The following ANTXRL variants were observed in gnomAD, a reference collection of about 807,000 sequenced individuals.
ANTXRL encodes anthrax toxin receptor-like.
A neutral mutation model predicts 75.4 loss-of-function variants in ANTXRL; 63 were observed. That is an observed-to-expected ratio of 0.84 (90% CI 0.68 to 1.03). The LOEUF (loss-of-function observed/expected upper bound fraction) is 1.03. Among genes scored for constraint, ANTXRL ranks in the 50% least tolerant of loss-of-function variants. ANTXRL has a pLI of 0.00. For missense variants in ANTXRL, 797 were observed against 789.4 expected, an observed-to-expected ratio of 1.01 and a Z score of -0.12; for synonymous variants, 335 against 291.3, an observed-to-expected ratio of 1.15 and a Z score of -1.53.
chr10:46,303,104 C>T (rs1453331914), intron 10 of ANTXRL, among the ~76,000 whole-genome samples: 1 of 152,210 alleles, frequency 6.6e-6, no homozygotes, highest in African/African-American at 2.4e-5. Context: ...ATCACAGCTG[C>T]ATCTGCCCAC....
chr10:46,323,131 C>T (rs1275069700), intron 16 of ANTXRL, among the ~76,000 whole-genome samples: 1 of 152,124 alleles, frequency 6.6e-6, no homozygotes, highest in Non-Finnish European at 1.5e-5. Flanking sequence ...ACTGACTTGT[C>T]CTTAGCTATA....
chr10:46,287,843 T>C (rs77520609), intron 1 of ANTXRL, among the ~76,000 whole-genome samples: 4,439 of 152,266 alleles, frequency 0.029, 156 homozygotes, highest in East Asian at 0.13. Context: ...AGTTCTCAGA[T>C]GCTCACTGCG....
chr10:46,288,645 C>T (rs4076897), intron 1 of ANTXRL, among the ~76,000 whole-genome samples: 4,445 of 152,214 alleles, frequency 0.029, 156 homozygotes, highest in East Asian at 0.13. Context: ...GCCTTCGTGT[C>T]CCCCATCTGT....
chr10:46,328,808 G>T (rs1247552748), intron 16 of ANTXRL, among the ~76,000 whole-genome samples: 1 of 152,028 alleles, frequency 6.6e-6, no homozygotes, highest in Non-Finnish European at 1.5e-5. Flanking sequence ...GTATTGCTGG[G>T]CCCATTTAAG....
At chr10:46,290,144 C>T (rs1436260428) in intron 1 of ANTXRL, among the ~76,000 whole-genome samples, 5 of 146,036 alleles carry the variant, frequency 3.4e-5, no homozygotes, top group African/African-American at 1.0e-4. Flanking sequence ...CAGTTTCAAG[C>T]GATTCTCCCT....
chr10:46,302,182 G>T (rs1250633250), intron 9 of ANTXRL, among the ~76,000 whole-genome samples: 1 of 152,148 alleles, frequency 6.6e-6, no homozygotes, highest in African/African-American at 2.4e-5. Flanking sequence ...CTGAGTCCTG[G>T]CCCTGATGCT....
At chr10:46,329,206 C>T (rs1839369632) in intron 16 of ANTXRL, among the ~76,000 whole-genome samples, 1 of 152,176 alleles carries the variant, frequency 6.6e-6, no homozygotes, top group Non-Finnish European at 1.5e-5. Flanking sequence ...CCAAGGGTCC[C>T]TGGAGCCAGC....
chr10:46,308,765 C>T (rs1838252868), intron 12 of ANTXRL: 6 of 368,760 alleles, frequency 1.6e-5, no homozygotes, highest in South Asian at 1.2e-4. Flanking sequence ...GGGTCTCCTG[C>T]CCCTGCTCCT....
chr10:46,329,773 A>G lies in ANTXRL; in HGVS notation c.1585A>G (p.Ser529Gly). ...ECLALKQARC[S>G]PNICLRHSQH... ...CCTCGCCCTCAAACAGGCTCGCTGC[A>G]GCCCAAACATCTGCCTGAGACACAG... is the stretch of plus-strand genomic sequence containing the variant. The change falls in exon 17 of 17, where the codon AGC becomes GGC. Residue 529 changes from serine to glycine, a missense_variant. Coordinates refer to ENST00000620264, the MANE Select transcript of ANTXRL (RefSeq NM_001278688.3). 6.5e-7 allele frequency: 1 copy of G among 1,533,752 alleles called. No homozygotes were observed. Among genetic ancestry groups the G allele is most frequent in the Non-Finnish European group, 8.7e-7 (1 of 1,146,394 alleles).
At chr10:46,327,473 A>G (rs1554966736) in intron 16 of ANTXRL, among the ~76,000 whole-genome samples, 1 of 152,068 alleles carries the variant, frequency 6.6e-6, no homozygotes, top group East Asian at 1.9e-4. Context: ...GTGGACAGGC[A>G]GCTGCAGACA....
intron 15 of ANTXRL, 25 bp downstream of exon 15, chr10:46,311,690 G>T: frequency 1.2e-6 from 1 of 839,746 alleles, no homozygotes; most frequent in Non-Finnish European, 1.9e-6. Context: ...GTGGAGAGGG[G>T]CTGTGACCCC....
At chr10:46,310,780 T>C (rs1838375251) in intron 14 of ANTXRL, among the ~76,000 whole-genome samples, 1 of 152,100 alleles carries the variant, frequency 6.6e-6, no homozygotes, top group African/African-American at 2.4e-5. Flanking sequence ...AATGGGGCTC[T>C]CTGTCAAGGA....
chr10:46,329,064 T>C lies in ANTXRL; in HGVS notation c.1411-535T>C, dbSNP rs782072020. On this transcript the variant is annotated intron_variant, in intron 16 of 16. Transcript: ENST00000620264. ...CTGTGTGGGTGGTGCCTGGCTACACTAGTGTGTGCCCAAGATGAAAGCAAA... is the reference window on the plus strand; with the variant it reads ...CTGTGTGGGTGGTGCCTGGCTACACCAGTGTGTGCCCAAGATGAAAGCAAA... 4.5e-4 allele frequency among the ~76,000 whole-genome samples: 69 copies of C among 152,122 alleles called. 2 individuals carry two copies. The highest frequency in any genetic ancestry group is 9.8e-4 in the Admixed American group (15 of 15,278).
chr10:46,313,540 A>T (rs1433956807), intron 16 of ANTXRL, among the ~76,000 whole-genome samples: 1 of 152,104 alleles, frequency 6.6e-6, no homozygotes, highest in African/African-American at 2.4e-5. Flanking sequence ...GCTGGCTAGG[A>T]TGGCTAACAG....
chr10:46,320,951 G>C (rs782370671), intron 16 of ANTXRL, among the ~76,000 whole-genome samples: 1 of 152,128 alleles, frequency 6.6e-6, no homozygotes, highest in Non-Finnish European at 1.5e-5. Flanking sequence ...ACCTTTTGCA[G>C]GTATCACTTG....
chr10:46,303,206 C>T (rs1257880120), intron 10 of ANTXRL, among the ~76,000 whole-genome samples: 1 of 152,154 alleles, frequency 6.6e-6, no homozygotes, highest in African/African-American at 2.4e-5. Context: ...GAGATCTGAG[C>T]CTGAATGGCC....
chr10:46,311,834 G>A (rs1838446411), intron 15 of ANTXRL, among the ~76,000 whole-genome samples, 169 bp downstream of exon 15: 1 of 152,022 alleles, frequency 6.6e-6, no homozygotes, highest in African/African-American at 2.4e-5. Context: ...CCTCACCCTC[G>A]TGCCCCAGTG....
chr10:46,310,870 C>G (rs1838380106), intron 14 of ANTXRL, among the ~76,000 whole-genome samples: 1 of 152,146 alleles, frequency 6.6e-6, no homozygotes, highest in Non-Finnish European at 1.5e-5. Flanking sequence ...TCCCCAGGCT[C>G]TAGAGGCAGG....
intron 16 of ANTXRL, among the ~76,000 whole-genome samples, chr10:46,323,893 A>C (rs1318518406): frequency 2.0e-5 from 3 of 152,118 alleles, no homozygotes; most frequent in African/African-American, 7.2e-5. Context: ...TGAGGCAATT[A>C]AGGGAAAATT....
Sources: gnomAD v4.1 joint callset for allele counts (sites outside exome capture counted in the v4.1 genomes callset) on GRCh38, gnomAD v4.1.1 for gene constraint, MANE v1.5 for transcripts, NCBI Gene and HGNC (gene_info 2026-07-23, HGNC 2026-07-21) for gene names.